The following DIXDC1 variants were observed in gnomAD, a reference collection of about 807,000 sequenced individuals.
DIXDC1 encodes dixin.
Under a neutral mutation model 103.1 loss-of-function variants are expected in DIXDC1, and 64 were observed. That is an observed-to-expected ratio of 0.62 (90% CI 0.51 to 0.76). The LOEUF (loss-of-function observed/expected upper bound fraction) is 0.76, where lower values mean the gene tolerates loss of function less well. Among genes scored for constraint, DIXDC1 ranks in the 30% least tolerant of loss-of-function variants. DIXDC1 has a pLI of 0.00. For synonymous variants in DIXDC1, 266 were observed against 298.5 expected, an observed-to-expected ratio of 0.89 and a Z score of 1.12; for missense variants, 759 against 834.2, an observed-to-expected ratio of 0.91 and a Z score of 1.11.
At chr11:112,004,040 ATATATATATGTATG>A (rs1861152233) in intron 17 of DIXDC1, among the ~76,000 whole-genome samples, 1 of 146,502 alleles carries the variant, frequency 6.8e-6, no homozygotes, top group Admixed American at 6.8e-5. Flanking sequence ...ATATATATAT[ATATATATATGTATG>A]TATATATATG....
intron 17 of DIXDC1, among the ~76,000 whole-genome samples, chr11:112,006,329 A>C (rs1555176627): frequency 6.6e-6 from 1 of 152,082 alleles, no homozygotes. Flanking sequence ...AGGCCTGCTG[A>C]TTCTGTAGCC....
intron 8 of DIXDC1, among the ~76,000 whole-genome samples, chr11:111,986,366 CTTT>C (rs1218631165): frequency 1.4e-5 from 1 of 71,620 alleles, no homozygotes; most frequent in Non-Finnish European, 2.6e-5. Context: ...CATACTTATT[CTTT>C]TTTTTTTTTT....
chr11:111,937,131 CGG>C (rs782420161), upstream of DIXDC1: 194 of 462,202 alleles, frequency 4.2e-4, 12 homozygotes, highest in South Asian at 8.1e-3. Context: ...GCGGCCCGGG[CGG>C]GGGGGGGGTG....
intron 1 of DIXDC1, among the ~76,000 whole-genome samples, chr11:111,945,249 A>G (rs1241358739): frequency 1.3e-5 from 2 of 152,182 alleles, no homozygotes; most frequent in Non-Finnish European, 2.9e-5. Context: ...AGCATGGCCT[A>G]TGGCAACGTC....
intron 2 of DIXDC1, among the ~76,000 whole-genome samples, chr11:111,967,696 T>C (rs978115755): frequency 6.6e-6 from 1 of 152,250 alleles, no homozygotes; most frequent in Non-Finnish European, 1.5e-5. Context: ...CTTCCCAAAG[T>C]GCTAGGATTA....
chr11:111,973,465 T>C (rs1555172259), intron 3 of DIXDC1, among the ~76,000 whole-genome samples: 1 of 152,226 alleles, frequency 6.6e-6, no homozygotes, highest in South Asian at 2.1e-4. Flanking sequence ...TAAAAAGTTA[T>C]CGAGATATTT....
intron 17 of DIXDC1, among the ~76,000 whole-genome samples, chr11:112,001,410 C>T (rs1249801130): frequency 1.3e-5 from 2 of 152,114 alleles, no homozygotes; most frequent in African/African-American, 2.4e-5. Context: ...TTTAAATGTA[C>T]TAAATGCCAT....
chr11:111,937,399 C>A lies in DIXDC1; in HGVS notation c.-101C>A. 1.3e-6 allele frequency: 2 copies of A among 1,502,510 alleles called. No individual in the cohort carries two copies. Among genetic ancestry groups the A allele is most frequent in the Non-Finnish European group, 8.9e-7 (1 of 1,126,324 alleles). 93.1% of individuals were successfully genotyped at this position (1,502,510 alleles called of 1,614,324 possible). On this transcript the variant is annotated 5_prime_UTR_variant, in exon 1 of 20. Transcript: ENST00000440460. ...GGCATGCGGGACTCCGGAGGGATCCCAATGAGCTGAGCCGAGAGCCTTTGT... is the reference window on the plus strand; with the variant it reads ...GGCATGCGGGACTCCGGAGGGATCCAAATGAGCTGAGCCGAGAGCCTTTGT...
intron 1 of DIXDC1, among the ~76,000 whole-genome samples, chr11:111,943,487 CTTTTTTTT>C (rs1161024928): frequency 1.1e-3 from 122 of 113,440 alleles, no homozygotes; most frequent in African/African-American, 3.7e-3. Context: ...TTCTTTCTCT[CTTTTTTTT>C]TTTTTTTTTT....
intron 17 of DIXDC1, among the ~76,000 whole-genome samples, chr11:112,013,321 T>TGGGGGGGGGGGGGG (rs1403269609): frequency 8.7e-4 from 31 of 35,720 alleles, no homozygotes; most frequent in African/African-American, 1.9e-3. Flanking sequence ...GGTCGGGGGG[T>TGGGGGGGGGGGGGG]GGGGGTGGGG....
At chr11:111,928,875 A>G (rs1965923785) in intron 1 of DIXDC1, among the ~76,000 whole-genome samples, 1 of 151,988 alleles carries the variant, frequency 6.6e-6, no homozygotes, top group South Asian at 2.1e-4. Context: ...TTAAAGTGCT[A>G]TATACAAATT....
intron 1 of DIXDC1, among the ~76,000 whole-genome samples, chr11:111,957,672 T>C (rs1469059339): frequency 6.6e-6 from 1 of 152,204 alleles, no homozygotes; most frequent in Admixed American, 6.5e-5. Context: ...CTCTTCAAAA[T>C]TGTCAAGGTC....
At chr11:111,978,802 A>G (rs1860204695) in intron 5 of DIXDC1, among the ~76,000 whole-genome samples, 2 of 152,294 alleles carry the variant, frequency 1.3e-5, no homozygotes, top group South Asian at 4.1e-4. Context: ...TTTCTCAAAG[A>G]TGAGCAGCTC....
Position 111,977,647 on chromosome 11 carries a change from C to A in DIXDC1, c.656+2664C>A, listed in dbSNP as rs1860157007. On this transcript the variant is annotated intron_variant, in intron 5 of 19. Coordinates refer to ENST00000440460, the MANE Select transcript of DIXDC1 (RefSeq NM_001037954.4). This position sits in a 1 kb window ranked among gnomAD's most constrained non-coding sequence, Gnocchi z 6.1. ...GCCAGTAGCTTTGCTAGCTGGCCTT[C>A]CCGTGGAGGCGTTTTCCAGCCCCAG... is the stretch of plus-strand genomic sequence containing the variant. 1 of 1,546,072 alleles carries A rather than the reference C, an allele frequency of 6.5e-7. No homozygotes were observed. The highest frequency in any genetic ancestry group is 8.7e-7 in the Non-Finnish European group (1 of 1,144,778).
At position 111,937,353 on chromosome 11, in the gene DIXDC1, C is replaced by T. The variant is rs1461932389; in HGVS notation, c.-147C>T. On this transcript the variant is annotated 5_prime_UTR_variant, in exon 1 of 20. Coordinates refer to ENST00000440460, the MANE Select transcript of DIXDC1 (RefSeq NM_001037954.4). ...CCAGTGCAAGCCGCTAGTTTGGCTC[C>T]AGTCTAGGTTTCCAGTAAGTGGCAT... 4 of 1,430,224 alleles carry T rather than the reference C, an allele frequency of 2.8e-6. No homozygotes were observed. Among genetic ancestry groups the T allele is most frequent in the Middle Eastern group, 2.5e-4 (1 of 3,930 alleles). The allele number at this position is 1,430,224 out of a possible 1,614,324, so 88.6% of individuals were successfully genotyped here. A position where few individuals can be genotyped will look rare whatever the true frequency, so the allele number is the denominator to read the frequency against.
intron 10 of DIXDC1, among the ~76,000 whole-genome samples, chr11:111,990,166 C>T (rs1355207742): frequency 1.3e-5 from 2 of 149,156 alleles, no homozygotes; most frequent in African/African-American, 4.9e-5. Context: ...TCTTGGCTTA[C>T]TGCAATCTCC....
At chr11:111,985,105 A>G (rs781810839) in intron 7 of DIXDC1, 127 bp from the exon 8 acceptor site, 32 of 774,996 alleles carry the variant, frequency 4.1e-5, no homozygotes, top group Non-Finnish European at 6.6e-5. Flanking sequence ...AGGAGCAAAA[A>G]TTACCAACGA....
intron 6 of DIXDC1, chr11:111,982,111 G>A (rs1860323691): frequency 5.1e-6 from 2 of 389,366 alleles, no homozygotes; most frequent in African/African-American, 2.0e-5. Context: ...TACTTCCTAA[G>A]AGTTTTAAAA....
At chr11:111,978,531 T>G (rs1315016017) in intron 5 of DIXDC1, among the ~76,000 whole-genome samples, 2 of 152,162 alleles carry the variant, frequency 1.3e-5, no homozygotes, top group African/African-American at 4.8e-5. Context: ...TGTTTTCCTT[T>G]GGCTGCTCTG....
Sources: gnomAD v4.1 joint callset for allele counts (sites outside exome capture counted in the v4.1 genomes callset) on GRCh38, gnomAD v4.1.1 for gene constraint, Gnocchi (gnomAD v3.1) non-coding constraint, MANE v1.5 for transcripts, NCBI Gene and HGNC (gene_info 2026-07-23, HGNC 2026-07-21) for gene names.